CAMKMT: variants seen among roughly 807,000 people sequenced by gnomAD.
CAMKMT encodes the protein CaM KMT.
In CAMKMT, 53 loss-of-function variants were observed where a neutral mutation model predicts 48.0. The observed-to-expected ratio is 1.10, with a 90% CI of 0.89 to 1.39. The LOEUF (loss-of-function observed/expected upper bound fraction) is 1.39. Among genes scored for constraint, CAMKMT ranks in the 40% most tolerant of loss-of-function variants. The pLI is 0.00. For synonymous variants in CAMKMT, 165 were observed against 152.3 expected, an observed-to-expected ratio of 1.08 and a Z score of -0.61; for missense variants, 428 against 402.7, an observed-to-expected ratio of 1.06 and a Z score of -0.54.
At chr2:44,362,315 A>T (rs1387265299) in intron 1 of CAMKMT, among the ~76,000 whole-genome samples, 170 bp downstream of exon 1, 5 of 152,020 alleles carry the variant, frequency 3.3e-5, no homozygotes, top group Non-Finnish European at 7.4e-5. Flanking sequence ...GTCCCATCCA[A>T]GAGGAGGAAT....
intron 3 of CAMKMT, among the ~76,000 whole-genome samples, chr2:44,523,683 T>G (rs945587831): frequency 2.0e-5 from 3 of 151,872 alleles, no homozygotes; most frequent in Non-Finnish European, 4.4e-5. Flanking sequence ...GACCATAGAC[T>G]ATAGAGTACC....
chr2:44,412,926 A>T (rs972145430), intron 3 of CAMKMT, among the ~76,000 whole-genome samples: 1 of 151,642 alleles, frequency 6.6e-6, no homozygotes, highest in Admixed American at 6.6e-5. Context: ...AAATACAAAA[A>T]TTAGCCAGGT....
intron 3 of CAMKMT, among the ~76,000 whole-genome samples, chr2:44,433,882 T>C (rs1684794207): frequency 6.6e-6 from 1 of 152,194 alleles, no homozygotes; most frequent in Non-Finnish European, 1.5e-5. Flanking sequence ...CCATGCCCTT[T>C]TACATACCAA....
At chr2:44,498,041 G>C (rs1353311628) in intron 3 of CAMKMT, among the ~76,000 whole-genome samples, 1 of 152,076 alleles carries the variant, frequency 6.6e-6, no homozygotes, top group Non-Finnish European at 1.5e-5. Flanking sequence ...GTGTAGTTAG[G>C]ATATAAGCAT....
intron 3 of CAMKMT, among the ~76,000 whole-genome samples, chr2:44,577,909 G>A (rs773474966): frequency 2.6e-5 from 4 of 152,154 alleles, no homozygotes; most frequent in Admixed American, 2.0e-4. Context: ...TTTATTGCCC[G>A]TAGACAGATC....
intron 9 of CAMKMT, among the ~76,000 whole-genome samples, chr2:44,757,659 G>T (rs897521736): frequency 1.3e-5 from 2 of 151,644 alleles, no homozygotes; most frequent in African/African-American, 4.8e-5. Context: ...CGCCTCCCAG[G>T]TTCAAGCAAT....
intron 6 of CAMKMT, among the ~76,000 whole-genome samples, chr2:44,709,590 G>A (rs1192776267): frequency 1.3e-5 from 2 of 151,956 alleles, no homozygotes; most frequent in East Asian, 3.9e-4. Flanking sequence ...GTTGTCATCT[G>A]TTTTACTGAC....
At chr2:44,640,650 G>A (rs145554835) in intron 3 of CAMKMT, among the ~76,000 whole-genome samples, 508 of 152,246 alleles carry the variant, frequency 3.3e-3, no homozygotes, top group Non-Finnish European at 5.9e-3. Flanking sequence ...TGCTGCTACT[G>A]CTACTTACTA....
intron 7 of CAMKMT, among the ~76,000 whole-genome samples, chr2:44,719,891 G>A (rs1343186017): frequency 2.6e-5 from 4 of 152,170 alleles, no homozygotes; most frequent in Non-Finnish European, 5.9e-5. Flanking sequence ...GAAATTTTCT[G>A]ATAAAATATA....
At chr2:44,364,389 T>C (rs1487944002) in intron 1 of CAMKMT, among the ~76,000 whole-genome samples, 1 of 152,096 alleles carries the variant, frequency 6.6e-6, no homozygotes, top group Non-Finnish European at 1.5e-5. Flanking sequence ...CCACCCCTAA[T>C]GCCTCTGGGC....
intron 3 of CAMKMT, among the ~76,000 whole-genome samples, chr2:44,556,059 G>C (rs1331509716): frequency 6.6e-6 from 1 of 152,132 alleles, no homozygotes; most frequent in Admixed American, 6.5e-5. Flanking sequence ...GGTTATACCT[G>C]TCTGTGTTAT....
At chr2:44,574,899 C>T (rs1028926646) in intron 3 of CAMKMT, among the ~76,000 whole-genome samples, 1 of 151,724 alleles carries the variant, frequency 6.6e-6, no homozygotes, top group African/African-American at 2.4e-5. Flanking sequence ...AGCCACCACG[C>T]CCAGCTAACT....
rs77921954 is a variant in CAMKMT, at chr2:44,618,372, T to A, written c.377-85911T>A. ...TGAGCTTTTTGCTGGCCCTTGGAGA[T>A]TAACTGAACAGCCTTCCTACCAATT... On this transcript the variant is annotated intron_variant, in intron 3 of 10. Transcript: ENST00000378494. The surrounding 1 kb of genome is among the most constrained non-coding windows in gnomAD (Gnocchi z 4.0). 2.0e-5 allele frequency among the ~76,000 whole-genome samples: 3 copies of A among 152,302 alleles called. No homozygotes were observed. In the East Asian group the frequency reaches 5.8e-4, roughly 29 times the overall value.
rs1490918801 is a variant in CAMKMT at position 44,743,654 on chromosome 2, C to G, written c.656C>G (p.Ser219Cys). ...CGATGGGATAATGAGACAGATGTCT[C>G]TCAACTGGAAGGACATTTTGACATT... Reference protein sequence around the residue: ...VLRWDNETDVSQLEGHFDIVM... With the variant: ...VLRWDNETDVCQLEGHFDIVM... The change falls in exon 8 of 11, where the codon TCT becomes TGT. Residue 219 changes from serine to cysteine, a missense_variant. Ser to Cys is a moderately radical substitution (Grantham distance 112). Transcript: ENST00000378494. The G allele has an allele frequency of 1.2e-6, 2 of 1,613,328 alleles. No homozygotes were observed. The highest frequency in any genetic ancestry group is 2.2e-5 in the East Asian group (1 of 44,846).
intron 4 of CAMKMT, among the ~76,000 whole-genome samples, chr2:44,704,892 C>G (rs539459460): frequency 6.7e-6 from 1 of 150,194 alleles, no homozygotes; most frequent in South Asian, 2.1e-4. Flanking sequence ...TAAGTGTTTT[C>G]AACTGTTAGT....
intron 3 of CAMKMT, among the ~76,000 whole-genome samples, chr2:44,666,345 G>T (rs1039028631): frequency 6.6e-6 from 1 of 152,066 alleles, no homozygotes; most frequent in Non-Finnish European, 1.5e-5. Flanking sequence ...ACTAAATTCT[G>T]CTTTTTCTTT....
At chr2:44,441,414 C>T (rs969637927) in intron 3 of CAMKMT, among the ~76,000 whole-genome samples, 2 of 152,138 alleles carry the variant, frequency 1.3e-5, no homozygotes, top group African/African-American at 4.8e-5. Context: ...CCTGTGTCAT[C>T]AAGCTTGCAA....
chr2:44,674,599 G>A (rs975656068), intron 3 of CAMKMT, among the ~76,000 whole-genome samples: 3 of 152,160 alleles, frequency 2.0e-5, no homozygotes, highest in Non-Finnish European at 2.9e-5. Context: ...CAACCAAAGT[G>A]CCCTACTGTA....
intron 8 of CAMKMT, among the ~76,000 whole-genome samples, chr2:44,745,122 C>T (rs1679864897): frequency 6.6e-6 from 1 of 152,158 alleles, no homozygotes. Flanking sequence ...TCAGATTAAG[C>T]ATGAAAGTCA....
Sources: allele counts gnomAD v4.1 joint callset (sites outside exome capture counted in the v4.1 genomes callset), GRCh38; gene constraint gnomAD v4.1.1; non-coding constraint Gnocchi (gnomAD v3.1); transcripts MANE v1.5; gene names NCBI Gene and HGNC (gene_info 2026-07-23, HGNC 2026-07-21).